The following TMOD1 variants were observed in gnomAD, a reference collection of about 807,000 sequenced individuals.
TMOD1 encodes the protein tropomodulin 1.
Under a neutral mutation model 40.6 loss-of-function variants are expected in TMOD1, and 17 were observed. The observed-to-expected ratio is 0.42, with a 90% confidence interval of 0.29 to 0.63. The LOEUF (loss-of-function observed/expected upper bound fraction) is 0.63, where lower values mean the gene tolerates loss of function less well. Ranked by LOEUF, TMOD1 falls within the 20% of genes least tolerant of loss-of-function variation. The pLI is 0.22. For synonymous variants in TMOD1, 181 were observed against 175.0 expected, an observed-to-expected ratio of 1.03 and a Z score of -0.27; for missense variants, 391 against 447.6, an observed-to-expected ratio of 0.87 and a Z score of 1.14.
intron 1 of TMOD1, chr9:97,517,874 CA>C (rs1829840893): frequency 6.6e-6 from 1 of 152,426 alleles, no homozygotes; most frequent in Admixed American, 6.5e-5. Flanking sequence ...CATGGGAGGA[CA>C]GGGGGCTCGT....
At position 97,524,178 on chromosome 9, in the gene TMOD1, G is replaced by A. The variant is rs188575722; in HGVS notation, c.-11G>A. On this transcript the variant is annotated 5_prime_UTR_variant, in exon 2 of 10. Coordinates refer to ENST00000259365, the MANE Select transcript of TMOD1 (RefSeq NM_003275.4). ...ACAGAAATTCAGGAGACACAGACAAGTTCTTCCACGATGTCGTACAGACGA... is the reference window on the plus strand; with the variant it reads ...ACAGAAATTCAGGAGACACAGACAAATTCTTCCACGATGTCGTACAGACGA... 116 of 1,613,096 alleles carry A rather than the reference G, an allele frequency of 7.2e-5. 1 individual carries two copies. The Middle Eastern group carries it at 1.7e-3, about 23-fold the overall frequency.
intron 1 of TMOD1, among the ~76,000 whole-genome samples, chr9:97,522,647 G>A (rs779232333): frequency 6.6e-6 from 1 of 151,870 alleles, no homozygotes; most frequent in Non-Finnish European, 1.5e-5. Flanking sequence ...CTGCAGCCTC[G>A]ACCTCCTGGG....
intron 4 of TMOD1, among the ~76,000 whole-genome samples, chr9:97,556,508 G>A (rs192148147): frequency 2.2e-4 from 34 of 152,254 alleles, no homozygotes; most frequent in African/African-American, 5.5e-4. Context: ...GACATGGGGC[G>A]TCCAGGTCAC....
intron 7 of TMOD1, among the ~76,000 whole-genome samples, chr9:97,566,383 G>A (rs1830727727): frequency 6.6e-6 from 1 of 152,114 alleles, no homozygotes; most frequent in Non-Finnish European, 1.5e-5. Context: ...TAAAATCAAT[G>A]GTTTTGGTTG....
chr9:97,553,327 A>G lies in TMOD1; in HGVS notation c.324A>G (p.Glu108=). The stretch of plus-strand genomic sequence containing the variant: ...AGAAGCCACTGGATCCTGTGCTGGA[A>G]AGTGTGACGCTGGAACCGGAGCTGG... ...PKQKPLDPVL[E]SVTLEPELEE... is the part of the protein sequence containing the mutation. Residue 108 remains glutamate, a synonymous_variant, in exon 4 of 10, where the codon GAA becomes GAG. Transcript: ENST00000259365. The G allele has an allele frequency of 6.2e-7, 1 of 1,614,198 alleles. No homozygotes were observed. The highest frequency in any genetic ancestry group is 8.5e-7 in the Non-Finnish European group (1 of 1,180,026).
In TMOD1 at chr9:97,514,663, G is replaced by A. The variant is rs542678179; in HGVS notation, c.-48-9478G>A. Among the ~76,000 whole-genome samples the A allele has an allele frequency of 3.9e-5, 6 of 152,322 alleles. No individual in the cohort carries two copies. In the South Asian group the frequency reaches 1.2e-3, roughly 32 times the overall value. On this transcript the variant is annotated intron_variant, in intron 1 of 9. Transcript: ENST00000259365. ...CCTGGTGTATTCAGCTGGAAACTCT[G>A]CAGGGCAAGCCTTTCATCCACTGCT... is the stretch of plus-strand genomic sequence containing the variant.
intron 8 of TMOD1, among the ~76,000 whole-genome samples, chr9:97,587,206 G>A (rs1270273110): frequency 2.0e-5 from 3 of 152,186 alleles, no homozygotes; most frequent in African/African-American, 7.2e-5. Flanking sequence ...ATATAAAGCT[G>A]CTATAAACAT....
At chr9:97,577,857 A>C (rs933063276) in intron 8 of TMOD1, among the ~76,000 whole-genome samples, 1 of 152,258 alleles carries the variant, frequency 6.6e-6, no homozygotes, top group Non-Finnish European at 1.5e-5. Flanking sequence ...TTGATAGGAA[A>C]AAATGAATTA....
intron 9 of TMOD1, among the ~76,000 whole-genome samples, chr9:97,593,560 A>G (rs992035127): frequency 6.6e-6 from 1 of 152,146 alleles, no homozygotes; most frequent in Non-Finnish European, 1.5e-5. Context: ...GTGCTAGGTG[A>G]TATCAGAGGT....
intron 1 of TMOD1, among the ~76,000 whole-genome samples, chr9:97,511,057 T>G (rs755098359): frequency 2.8e-5 from 3 of 105,602 alleles, no homozygotes; most frequent in Non-Finnish European, 6.3e-5. Context: ...AATGAAAACA[T>G]GCACCCGCGC....
Position 97,565,838 on chromosome 9 carries a change from C to T in TMOD1, c.619-10C>T. ...TCTGGTCACTCTCTCTGTTGCCTTT[C>T]TTTGTGCAGAATATCCCCATCCCCA... On this transcript the variant is annotated splice_polypyrimidine_tract_variant and intron_variant, in intron 6 of 9. Transcript: ENST00000259365. The T allele has an allele frequency of 1.2e-6, 2 of 1,610,914 alleles. No individual in the cohort carries two copies. Among genetic ancestry groups the T allele is most frequent in the Non-Finnish European group, 1.7e-6 (2 of 1,177,168 alleles).
In TMOD1 at chr9:97,557,465, G is replaced by A. The variant is rs956481623; in HGVS notation, c.397+4065G>A. Among the ~76,000 whole-genome samples, 1 of 152,206 alleles carries A rather than the reference G, an allele frequency of 6.6e-6. No individual in the cohort carries two copies. Among genetic ancestry groups the A allele is most frequent in the Non-Finnish European group, 1.5e-5 (1 of 68,030 alleles). On this transcript the variant is annotated intron_variant, in intron 4 of 9. Coordinates refer to ENST00000259365, the MANE Select transcript of TMOD1 (RefSeq NM_003275.4). The surrounding 1 kb of genome is among the most constrained non-coding windows in gnomAD (Gnocchi z 4.4). ...AGCCTCGGGCCACTCACCCCCAAGG[G>A]CAGTTGGCAACCTGGGGGTCTTGCA... is the stretch of plus-strand genomic sequence containing the variant.
chr9:97,596,414 TA>T (rs1372456552), intron 9 of TMOD1, among the ~76,000 whole-genome samples: 1 of 152,206 alleles, frequency 6.6e-6, no homozygotes, highest in African/African-American at 2.4e-5. Flanking sequence ...AGCTGACTCT[TA>T]CATGGCACTT....
Position 97,591,311 on chromosome 9 carries a change from A to C in TMOD1, c.891A>C (p.Lys297Asn), listed in dbSNP as rs756089215. Reference protein sequence around the residue: ...IDNQSQPLGNKVEMEIVSMLE... With the variant: ...IDNQSQPLGNNVEMEIVSMLE... ...TAAAGAGCCAGCCCCTGGGCAACAA[A>C]GTGGAAATGGAGATTGTGAGCATGT... is the stretch of plus-strand genomic sequence containing the variant. Residue 297 changes from lysine to asparagine, a missense_variant, in exon 9 of 10, where the codon AAA (lysine) becomes AAC (asparagine). Lys to Asn is a moderately conservative substitution (Grantham distance 94, BLOSUM62 0). Coordinates refer to ENST00000259365, the MANE Select transcript of TMOD1 (RefSeq NM_003275.4). 8 of 1,613,904 alleles carry C rather than the reference A, an allele frequency of 5.0e-6. No homozygotes were observed. Among genetic ancestry groups the C allele is most frequent in the Non-Finnish European group, 6.8e-6 (8 of 1,180,004 alleles).
chr9:97,548,437 C>T (rs1166093636), intron 3 of TMOD1, among the ~76,000 whole-genome samples: 3 of 151,968 alleles, frequency 2.0e-5, no homozygotes, highest in Non-Finnish European at 2.9e-5. Flanking sequence ...ATCGCGTGGT[C>T]AGAGGGATCC....
chr9:97,552,565 A>G (rs1830471057), intron 3 of TMOD1, among the ~76,000 whole-genome samples: 1 of 152,268 alleles, frequency 6.6e-6, no homozygotes, highest in South Asian at 2.1e-4. Context: ...AATGTTGTTG[A>G]GTAAATAAAT....
intron 8 of TMOD1, among the ~76,000 whole-genome samples, chr9:97,585,908 A>C (rs1204887172): frequency 7.3e-6 from 1 of 136,674 alleles, no homozygotes; most frequent in Admixed American, 7.6e-5. Flanking sequence ...ACATTCTTCT[A>C]AATTTTTTTC....
At chr9:97,535,290 G>A (rs966618397) in intron 2 of TMOD1, among the ~76,000 whole-genome samples, 1 of 152,130 alleles carries the variant, frequency 6.6e-6, no homozygotes, top group Non-Finnish European at 1.5e-5. Context: ...CACAAGGGCT[G>A]GAACGAGGGT....
At chr9:97,574,428 G>T (rs1244364613) in intron 8 of TMOD1, among the ~76,000 whole-genome samples, 1 of 152,242 alleles carries the variant, frequency 6.6e-6, no homozygotes, top group Non-Finnish European at 1.5e-5. Flanking sequence ...CAGGGCTCGG[G>T]ACCTGCAGCC....
Sources: allele counts gnomAD v4.1 joint callset (sites outside exome capture counted in the v4.1 genomes callset), GRCh38; gene constraint gnomAD v4.1.1; non-coding constraint Gnocchi (gnomAD v3.1); transcripts MANE v1.5; gene names NCBI Gene and HGNC (gene_info 2026-07-23, HGNC 2026-07-21).